Variants in ZDHHC14 observed in about 807,000 individuals in gnomAD.
ZDHHC14 encodes palmitoyltransferase ZDHHC14.
Under a neutral mutation model 47.7 loss-of-function variants are expected in ZDHHC14, and 16 were observed. The ratio of observed to expected loss-of-function variants is 0.34; its 90% CI spans 0.23 to 0.51. ZDHHC14 has a LOEUF of 0.51. Among genes scored for constraint, ZDHHC14 ranks in the 20% least tolerant of loss-of-function variants. The pLI, the probability that ZDHHC14 is intolerant of heterozygous loss-of-function variation, is 0.97. For synonymous variants in ZDHHC14, 293 were observed against 278.9 expected (o/e 1.05, Z -0.50); for missense variants, 515 against 662.5 (o/e 0.78, Z 2.44).
intron 2 of ZDHHC14, among the ~76,000 whole-genome samples, chr6:157,552,940 C>G (rs575996722): frequency 1.3e-5 from 2 of 152,300 alleles, no homozygotes; most frequent in South Asian, 4.1e-4. Flanking sequence ...TAAAATTATT[C>G]AGGACATTTG....
intron 5 of ZDHHC14, among the ~76,000 whole-genome samples, chr6:157,638,232 A>C (rs1777078392): frequency 6.6e-6 from 1 of 152,190 alleles, no homozygotes; most frequent in South Asian, 2.1e-4. Flanking sequence ...CAGGGTGCCC[A>C]CTGCTGGGAT....
At chr6:157,513,894 C>T (rs777304314) in intron 1 of ZDHHC14, among the ~76,000 whole-genome samples, 1 of 152,114 alleles carries the variant, frequency 6.6e-6, no homozygotes, top group Non-Finnish European at 1.5e-5. Flanking sequence ...TTTCCAGTCC[C>T]TCATTTTATG....
intron 1 of ZDHHC14, among the ~76,000 whole-genome samples, chr6:157,490,068 A>G (rs1297718600): frequency 1.3e-5 from 2 of 152,020 alleles, no homozygotes; most frequent in African/African-American, 4.8e-5. Context: ...GGAGAAAGGG[A>G]GAGATCAAGG....
intron 1 of ZDHHC14, among the ~76,000 whole-genome samples, chr6:157,523,843 G>A (rs1169620616): frequency 2.0e-5 from 3 of 152,196 alleles, no homozygotes; most frequent in African/African-American, 7.2e-5. Flanking sequence ...GGGGGCTGCA[G>A]TGGGCCGTGA....
Position 157,677,001 on chromosome 6 carries a change from A to G in ZDHHC14, c.*3879A>G, listed in dbSNP as rs1303488196. The G allele has an allele frequency of 6.6e-6, 1 of 152,258 alleles. No homozygotes were observed. Among genetic ancestry groups the G allele is most frequent in the African/African-American group, 2.4e-5 (1 of 41,468 alleles). 9.4% of individuals were successfully genotyped at this position (152,258 alleles called of 1,614,324 possible). On this transcript the variant is annotated 3_prime_UTR_variant, in exon 9 of 9. Transcript: ENST00000359775. ...GTTCTTGACCAGGTAAGAAAAGAAT[A>G]AAGGAGAACAAATATTAAATACTCT...
intron 2 of ZDHHC14, among the ~76,000 whole-genome samples, chr6:157,574,152 G>A (rs1358769974): frequency 6.6e-6 from 1 of 151,464 alleles, no homozygotes; most frequent in South Asian, 2.1e-4. Flanking sequence ...GCCAGGTGTG[G>A]TGGCTCATGT....
rs935955177 is a variant in ZDHHC14, at chr6:157,595,202, T to C, written c.565+2056T>C. 2.5e-5 allele frequency among the ~76,000 whole-genome samples: 3 copies of C among 119,392 alleles called. 1 individual carries two copies. Among genetic ancestry groups the C allele is most frequent in the Admixed American group, 1.8e-4 (2 of 10,842 alleles). The allele number at this position is 119,392 out of a possible 152,430, so 78.3% of individuals were successfully genotyped here. A position where few individuals can be genotyped will look rare whatever the true frequency, so the allele number is the denominator to read the frequency against. Reference sequence around the variant, plus strand: ...TTTTTTTTTTTTTTTTTTTTTTTTTTTTTTTTTTGTGATGGAGTCTTGCTC... The same window carrying C: ...TTTTTTTTTTTTTTTTTTTTTTTTTCTTTTTTTTGTGATGGAGTCTTGCTC... On this transcript the variant is annotated intron_variant, in intron 3 of 8. Transcript: ENST00000359775.
intron 1 of ZDHHC14, among the ~76,000 whole-genome samples, chr6:157,521,308 A>C (rs1780902663): frequency 6.6e-6 from 1 of 152,186 alleles, no homozygotes; most frequent in Non-Finnish European, 1.5e-5. Context: ...GGGCTCAAAA[A>C]ATTCTGGAAG....
In ZDHHC14 at chr6:157,592,756, T is replaced by G. The variant is rs1783962357; in HGVS notation, c.407-232T>G. 13 of 1,320,590 alleles carry G rather than the reference T, an allele frequency of 9.8e-6. No homozygotes were observed. The South Asian group carries it at 2.1e-4, about 21-fold the overall frequency. 81.8% of individuals were successfully genotyped at this position (1,320,590 alleles called of 1,614,324 possible). On this transcript the variant is annotated intron_variant, in intron 2 of 8. Transcript: ENST00000359775. ...TGGCTGGGTGGGGCCATGTGTGCTG[T>G]GCTCCATTGGCCAGAGCTCAGTCAC...
intron 5 of ZDHHC14, among the ~76,000 whole-genome samples, chr6:157,639,123 TACAC>T (rs990540325): frequency 2.0e-5 from 3 of 152,208 alleles, no homozygotes; most frequent in African/African-American, 4.8e-5. Context: ...CAGGTGCACT[TACAC>T]ACCCAAGTGT....
rs1377233511 is a variant in ZDHHC14, at chr6:157,642,068, A to AGATAGATAGATG, written c.753-3668_753-3667insATAGATAGATGG. On this transcript the variant is annotated intron_variant, in intron 5 of 8. Coordinates refer to ENST00000359775, the MANE Select transcript of ZDHHC14 (RefSeq NM_024630.3). ...TAGATAGATAGATAGATAGATAGATAGTTATCATGTTGGAAATTAGAACTA... is the reference window on the plus strand; with the variant it reads ...TAGATAGATAGATAGATAGATAGATAGATAGATAGATGGTTATCATGTTGGAAATTAGAACTA... 2.6e-5 allele frequency among the ~76,000 whole-genome samples: 4 copies of AGATAGATAGATG among 152,106 alleles called. No individual in the cohort carries two copies. In the South Asian group the frequency reaches 6.2e-4, roughly 24 times the overall value.
At chr6:157,645,158 G>A (rs1270860864) in intron 5 of ZDHHC14, among the ~76,000 whole-genome samples, 1 of 151,972 alleles carries the variant, frequency 6.6e-6, no homozygotes, top group Non-Finnish European at 1.5e-5. Flanking sequence ...GCCGGTTCAG[G>A]GGCTTATTTT....
chr6:157,466,952 C>T (rs1265494124), intron 1 of ZDHHC14, among the ~76,000 whole-genome samples: 1 of 152,062 alleles, frequency 6.6e-6, no homozygotes, highest in Non-Finnish European at 1.5e-5. Flanking sequence ...CAGTAGCTGC[C>T]CTCACATGGC....
At chr6:157,386,766 C>T (rs1317743900) in intron 1 of ZDHHC14, among the ~76,000 whole-genome samples, 2 of 152,158 alleles carry the variant, frequency 1.3e-5, no homozygotes, top group African/African-American at 4.8e-5. Context: ...TATGCGATGT[C>T]GTCATTCTCA....
At chr6:157,433,525 A>C (rs1475636656) in intron 1 of ZDHHC14, among the ~76,000 whole-genome samples, 4 of 152,182 alleles carry the variant, frequency 2.6e-5, no homozygotes, top group Non-Finnish European at 5.9e-5. Flanking sequence ...GCAGCTGTCT[A>C]CCTGCAGAGT....
chr6:157,643,127 G>A (rs958976024), intron 5 of ZDHHC14, among the ~76,000 whole-genome samples: 5 of 152,192 alleles, frequency 3.3e-5, no homozygotes, highest in African/African-American at 1.2e-4. Flanking sequence ...TCACTCTGAG[G>A]TTTAAGCAGA....
At chr6:157,645,260 C>T (rs762797977) in intron 5 of ZDHHC14, among the ~76,000 whole-genome samples, 2 of 152,108 alleles carry the variant, frequency 1.3e-5, no homozygotes, top group Non-Finnish European at 2.9e-5. Flanking sequence ...TCAGGGGAGA[C>T]GCCTGTTGGC....
chr6:157,396,749 A>G (rs1324765611), intron 1 of ZDHHC14, among the ~76,000 whole-genome samples: 2 of 152,250 alleles, frequency 1.3e-5, no homozygotes, highest in South Asian at 2.1e-4. Context: ...TCTTAAAAGT[A>G]GATAGATACT....
intron 3 of ZDHHC14, among the ~76,000 whole-genome samples, chr6:157,624,926 C>T (rs369716680): frequency 2.4e-4 from 37 of 152,302 alleles, no homozygotes; most frequent in African/African-American, 7.5e-4. Flanking sequence ...GGGAAGTCCA[C>T]GGCCACGGGG....
Sources: allele counts gnomAD v4.1 joint callset (sites outside exome capture counted in the v4.1 genomes callset), GRCh38; gene constraint gnomAD v4.1.1; transcripts MANE v1.5; gene names NCBI Gene and HGNC (gene_info 2026-07-23, HGNC 2026-07-21).